Variants in DSTN observed in about 807,000 individuals in gnomAD.
The protein encoded by DSTN is destrin, actin depolymerizing factor.
In DSTN, 10 loss-of-function variants were observed where a neutral mutation model predicts 16.8. That is an observed-to-expected ratio of 0.60 (90% CI 0.37 to 1.01). DSTN has a LOEUF of 1.01. Ranked by LOEUF, DSTN falls within the 50% of genes least tolerant of loss-of-function variation. The pLI is 0.01. For synonymous variants in DSTN, 57 were observed against 58.9 expected (o/e 0.97, Z 0.14); for missense variants, 141 against 196.7 (o/e 0.72, Z 1.69).
chr20:17,607,153 C>T lies in DSTN; in HGVS notation c.*7C>T, dbSNP rs1443256172. The T allele has an allele frequency of 1.9e-6, 3 of 1,607,070 alleles. No homozygotes were observed. The Admixed American group carries it at 5.1e-5, about 27-fold the overall frequency. ...TGAAGGATGCCCTGTGTAGATTATT[C>T]AGTGCCACAAATTGAAAGCTTCCAT... On this transcript the variant is annotated 3_prime_UTR_variant, in exon 4 of 4. Coordinates refer to ENST00000246069, the MANE Select transcript of DSTN (RefSeq NM_006870.4).
chr20:17,588,002 C>T (rs932903887), intron 1 of DSTN, among the ~76,000 whole-genome samples: 2 of 152,202 alleles, frequency 1.3e-5, no homozygotes, highest in African/African-American at 2.4e-5. Flanking sequence ...TTACTGAGCA[C>T]GAGACCAGTA....
chr20:17,587,350 T>TCC (rs1258370898), intron 1 of DSTN, among the ~76,000 whole-genome samples: 2 of 152,148 alleles, frequency 1.3e-5, no homozygotes, highest in Non-Finnish European at 2.9e-5. Context: ...CACTGCATTC[T>TCC]CCACCTCCTG....
intron 3 of DSTN, among the ~76,000 whole-genome samples, chr20:17,605,673 T>C (rs537821042): frequency 1.3e-5 from 2 of 152,346 alleles, no homozygotes; most frequent in African/African-American, 4.8e-5. Context: ...GGTTGCTAAC[T>C]GACACTTTTA....
chr20:17,590,263 C>A (rs1040759437), intron 1 of DSTN, among the ~76,000 whole-genome samples: 1 of 152,106 alleles, frequency 6.6e-6, no homozygotes, highest in African/African-American at 2.4e-5. Flanking sequence ...CATTTACTTC[C>A]CTCTGTGAGT....
chr20:17,595,620 GAA>G (rs112935061), intron 1 of DSTN, among the ~76,000 whole-genome samples: 1 of 140,914 alleles, frequency 7.1e-6, no homozygotes, highest in Non-Finnish European at 1.6e-5. Context: ...CGTCCATCTG[GAA>G]AAAAAAAAAA....
chr20:17,570,418 G>C (rs928590271), intron 1 of DSTN, among the ~76,000 whole-genome samples: 1 of 152,234 alleles, frequency 6.6e-6, no homozygotes, highest in Non-Finnish European at 1.5e-5. Context: ...CCCCGGGGTG[G>C]ATCCGCGGCT....
Position 17,607,368 on chromosome 20 carries a change from T to C in DSTN, c.*222T>C, listed in dbSNP as rs1341786958. The C allele has an allele frequency of 2.4e-6, 1 of 425,334 alleles. No individual in the cohort carries two copies. Among genetic ancestry groups the C allele is most frequent in the African/African-American group, 2.0e-5 (1 of 49,140 alleles). 26.3% of individuals were successfully genotyped at this position (425,334 alleles called of 1,614,324 possible). A position where few individuals can be genotyped will look rare whatever the true frequency, so the allele number is the denominator to read the frequency against. On this transcript the variant is annotated 3_prime_UTR_variant, in exon 4 of 4. Transcript: ENST00000246069. ...ATTCTTATTGGCCAAATGCCTGTTTTGATGAGTTGATTTATAAAGATTTTT... is the reference window on the plus strand; with the variant it reads ...ATTCTTATTGGCCAAATGCCTGTTTCGATGAGTTGATTTATAAAGATTTTT...
chr20:17,585,920 A>T (rs1439576350), intron 1 of DSTN, among the ~76,000 whole-genome samples: 1 of 152,126 alleles, frequency 6.6e-6, no homozygotes, highest in East Asian at 1.9e-4. Flanking sequence ...ATTTTATTCC[A>T]TTCCCCAGTG....
At chr20:17,594,439 G>T (rs1332197776) in intron 1 of DSTN, among the ~76,000 whole-genome samples, 1 of 152,040 alleles carries the variant, frequency 6.6e-6, no homozygotes, top group Non-Finnish European at 1.5e-5. Context: ...TTTAATTTTT[G>T]ATGTTTTAAA....
chr20:17,598,205 A>ATT (rs1301267271), intron 1 of DSTN, among the ~76,000 whole-genome samples: 15 of 152,076 alleles, frequency 9.9e-5, no homozygotes, highest in Non-Finnish European at 2.2e-4. Flanking sequence ...GAGTATATAT[A>ATT]CCTAAGAGTG....
At position 17,607,611 on chromosome 20, in the gene DSTN, A is replaced by G. The variant is rs2035655836; in HGVS notation, c.*465A>G. ...CTTCATAATATAACAACACTAATAC[A>G]CTAATAGTAAGATTAAGTTAGGCAG... On this transcript the variant is annotated 3_prime_UTR_variant, in exon 4 of 4. Coordinates refer to ENST00000246069, the MANE Select transcript of DSTN (RefSeq NM_006870.4). 6.5e-6 allele frequency: 1 copy of G among 152,920 alleles called. No individual in the cohort carries two copies. The highest frequency in any genetic ancestry group is 2.4e-5 in the African/African-American group (1 of 41,476). 9.5% of individuals were successfully genotyped at this position (152,920 alleles called of 1,614,324 possible). A position where few individuals can be genotyped will look rare whatever the true frequency, so the allele number is the denominator to read the frequency against.
intron 1 of DSTN, among the ~76,000 whole-genome samples, chr20:17,582,305 T>C: frequency 6.6e-6 from 1 of 152,068 alleles, no homozygotes; most frequent in East Asian, 1.9e-4. Context: ...GGTCTCAAAC[T>C]CCTGACCTCA....
rs6136137 is a variant in DSTN at position 17,582,064 on chromosome 20, C to T, written c.3+11853C>T. 6.1e-3 allele frequency among the ~76,000 whole-genome samples: 902 copies of T among 148,444 alleles called. 24 individuals carry two copies. The East Asian group carries it at 0.082, about 14-fold the overall frequency. On this transcript the variant is annotated intron_variant, in intron 1 of 3. Transcript: ENST00000246069. ...AATATACAAGAAAAAGTCCCTGTCT[C>T]TATGAAATATACATTTTTTTTTTTT...
rs937634382 is a variant in DSTN at position 17,585,051 on chromosome 20, A to G, written c.3+14840A>G. ...GTGAGGTTACTGGGTTAAAGGGTCAATGGGTATGGATTATTATAAGGCTCT... is the reference window on the plus strand; with the variant it reads ...GTGAGGTTACTGGGTTAAAGGGTCAGTGGGTATGGATTATTATAAGGCTCT... On this transcript the variant is annotated intron_variant, in intron 1 of 3. Transcript: ENST00000246069. Among the ~76,000 whole-genome samples the G allele has an allele frequency of 3.3e-5, 5 of 152,188 alleles. No homozygotes were observed. In the South Asian group the frequency reaches 8.3e-4, roughly 25 times the overall value.
rs1226643588 is a variant in DSTN at position 17,609,131 on chromosome 20, T to A, written c.*1985T>A. 6.6e-6 allele frequency: 1 copy of A among 152,234 alleles called. No homozygotes were observed. The highest frequency in any genetic ancestry group is 1.5e-5 in the Non-Finnish European group (1 of 68,048). 9.4% of individuals were successfully genotyped at this position (152,234 alleles called of 1,614,324 possible). ...CTTTAATCAAAATATTTTGGAATTG[T>A]CTAGAAAATAGTGCTGGCTGCTTGT... On this transcript the variant is annotated 3_prime_UTR_variant, in exon 4 of 4. Coordinates refer to ENST00000246069, the MANE Select transcript of DSTN (RefSeq NM_006870.4).
At position 17,599,128 on chromosome 20, in the gene DSTN, CAGTAAAAAGAATGA is replaced by C. The variant is rs1221237942; in HGVS notation, c.4-1604_4-1591del. The C allele has an allele frequency of 2.0e-5, 3 of 152,252 alleles. No homozygotes were observed. The East Asian group carries it at 5.8e-4, about 29-fold the overall frequency. 9.4% of individuals were successfully genotyped at this position (152,252 alleles called of 1,614,324 possible). On this transcript the variant is annotated intron_variant, in intron 1 of 3. Coordinates refer to ENST00000246069, the MANE Select transcript of DSTN (RefSeq NM_006870.4). ...ATCCAAACAATGGAACATTATTCAA[CAGTAAAAAGAATGA>C]AGTAACCAGCCGCTTTGTCATGCAC...
chr20:17,577,013 G>A (rs910779337), intron 1 of DSTN, among the ~76,000 whole-genome samples: 2 of 152,022 alleles, frequency 1.3e-5, no homozygotes, highest in Non-Finnish European at 2.9e-5. Context: ...CACCTCATGC[G>A]ACAAGTCAAA....
intron 1 of DSTN, among the ~76,000 whole-genome samples, chr20:17,571,851 TGA>T (rs755227005): frequency 5.3e-5 from 8 of 152,202 alleles, no homozygotes; most frequent in Non-Finnish European, 8.8e-5. Context: ...CTGGTTCTTG[TGA>T]GGAGTGGGAG....
intron 2 of DSTN, among the ~76,000 whole-genome samples, chr20:17,603,616 C>T (rs1001423242): frequency 2.6e-5 from 4 of 152,150 alleles, no homozygotes; most frequent in East Asian, 1.9e-4. Flanking sequence ...GGTTTCTGTC[C>T]GTTACTAATC....
Sources: allele counts gnomAD v4.1 joint callset (sites outside exome capture counted in the v4.1 genomes callset), GRCh38; gene constraint gnomAD v4.1.1; transcripts MANE v1.5; gene names NCBI Gene and HGNC (gene_info 2026-07-23, HGNC 2026-07-21).